LRRC27: variants seen among roughly 807,000 people sequenced by gnomAD.
The protein encoded by LRRC27 is leucine-rich repeat-containing protein 27.
In LRRC27, 57 loss-of-function variants were observed where a neutral mutation model predicts 55.0. The observed-to-expected ratio is 1.04, with a 90% CI of 0.84 to 1.29. The LOEUF (loss-of-function observed/expected upper bound fraction) is 1.29. LRRC27 is among the 50% of genes most tolerant of loss of function. The pLI is 0.00. For missense variants in LRRC27, 721 were observed against 651.5 expected, an observed-to-expected ratio of 1.11 and a Z score of -1.16; for synonymous variants, 278 against 251.9, an observed-to-expected ratio of 1.10 and a Z score of -0.98.
chr10:132,370,393 A>G (rs1279767175), intron 10 of LRRC27, among the ~76,000 whole-genome samples: 1 of 152,252 alleles, frequency 6.6e-6, no homozygotes, highest in Non-Finnish European at 1.5e-5. Flanking sequence ...GGCTCCCTGC[A>G]GCCCTTGAGC....
chr10:132,359,328 CTG>C (rs1173926407), intron 8 of LRRC27, among the ~76,000 whole-genome samples: 2 of 152,306 alleles, frequency 1.3e-5, no homozygotes, highest in Middle Eastern at 6.8e-3. Flanking sequence ...AGAAGTGTAT[CTG>C]TGTATTTCAG....
At chr10:132,369,887 G>T (rs2069175179) in intron 10 of LRRC27, among the ~76,000 whole-genome samples, 1 of 152,188 alleles carries the variant, frequency 6.6e-6, no homozygotes. Context: ...GTTACATGCA[G>T]AGCAGTGGGG....
chr10:132,353,062 C>A (rs2068138701), intron 7 of LRRC27: 2 of 1,538,222 alleles, frequency 1.3e-6, no homozygotes, highest in Non-Finnish European at 1.7e-6. Flanking sequence ...TGGCTTCACC[C>A]CTCCCTGGGC....
At chr10:132,347,127 G>C (rs1437458735) in intron 5 of LRRC27, among the ~76,000 whole-genome samples, 2 of 152,244 alleles carry the variant, frequency 1.3e-5, no homozygotes, top group Admixed American at 1.3e-4. Flanking sequence ...AGAAAAGCAG[G>C]CATAATGGGC....
At chr10:132,351,311 C>T (rs996623578) in intron 6 of LRRC27, 5 of 336,808 alleles carry the variant, frequency 1.5e-5, no homozygotes, top group Admixed American at 4.1e-5. Flanking sequence ...GTGCAGCTGC[C>T]GAGGCTGCAC....
intron 5 of LRRC27, among the ~76,000 whole-genome samples, chr10:132,346,179 A>C (rs967852996): frequency 6.6e-6 from 1 of 152,214 alleles, no homozygotes; most frequent in Non-Finnish European, 1.5e-5. Context: ...GGGGCCAGGC[A>C]CCAGCGGCTG....
chr10:132,353,414 T>C (rs2068161966), intron 7 of LRRC27: 2 of 1,026,914 alleles, frequency 1.9e-6, no homozygotes, highest in Non-Finnish European at 2.3e-6. Flanking sequence ...GTGTGTGTGC[T>C]GTTTTCTCTC....
Position 132,333,661 on chromosome 10 carries a change from C to A in LRRC27, c.137C>A (p.Ser46Tyr). The A allele has an allele frequency of 6.2e-7, 1 of 1,613,758 alleles. No homozygotes were observed. The highest frequency in any genetic ancestry group is 8.5e-7 in the Non-Finnish European group (1 of 1,180,038). The part of the protein sequence containing the change: ...HKGVGGIIFS[S>Y]SPILDLSESG... ...GGTGTTGGAGGCATCATCTTTTCCT[C>A]CTCACCGATTTTAGACTTGAGTGAA... Residue 46 changes from serine (S) to tyrosine (Y), a missense_variant, in exon 2 of 11, where the codon TCC becomes TAC. Coordinates refer to ENST00000368614, the MANE Select transcript of LRRC27 (RefSeq NM_030626.3).
chr10:132,371,222 C>T (rs988958294), intron 10 of LRRC27, among the ~76,000 whole-genome samples: 3 of 152,206 alleles, frequency 2.0e-5, no homozygotes, highest in Admixed American at 6.5e-5. Flanking sequence ...TGGCGTGCGT[C>T]GGGAGCACCC....
chr10:132,336,839 A>C, intron 2 of LRRC27: 1 of 751,114 alleles, frequency 1.3e-6, no homozygotes. Flanking sequence ...GTGAGTATAA[A>C]CAACTAGCAG....
upstream of LRRC27, chr10:132,331,786 C>T: frequency 6.2e-7 from 1 of 1,607,058 alleles, no homozygotes. Context: ...CCTCCAGACC[C>T]TCGCGGTCTC....
intron 7 of LRRC27, among the ~76,000 whole-genome samples, chr10:132,354,466 G>T (rs1305922804): frequency 6.6e-6 from 1 of 152,218 alleles, no homozygotes; most frequent in Non-Finnish European, 1.5e-5. Context: ...ATGGTGCTAA[G>T]TGGGGACACG....
At chr10:132,337,358 C>T (rs749813064) in intron 2 of LRRC27, 13 of 1,354,332 alleles carry the variant, frequency 9.6e-6, no homozygotes, top group East Asian at 8.4e-5. Context: ...CTCCAAAGGC[C>T]GCCGGAAGGA....
At position 132,364,346 on chromosome 10, in the gene LRRC27, A is replaced by AT. The variant is rs71013524; in HGVS notation, c.1290-1078_1290-1077insT. Among the ~76,000 whole-genome samples, 2 of 16,730 alleles carry AT rather than the reference A, an allele frequency of 1.2e-4. 1 individual carries two copies. Among genetic ancestry groups the AT allele is most frequent in the Non-Finnish European group, 2.4e-4 (2 of 8,166 alleles). 11.0% of individuals were successfully genotyped at this position (16,730 alleles called of 152,430 possible). ...CACACCCATGACCACACCCACACTT[A>AT]ATCTACCTCCACACCCGCGCTTACA... On this transcript the variant is annotated intron_variant, in intron 9 of 10. Coordinates refer to ENST00000368614, the MANE Select transcript of LRRC27 (RefSeq NM_030626.3).
upstream of LRRC27, among the ~76,000 whole-genome samples, chr10:132,330,719 A>AG (rs1356959196): frequency 7.1e-6 from 1 of 141,212 alleles, no homozygotes; most frequent in Admixed American, 7.3e-5. Flanking sequence ...TGGGTTGCCC[A>AG]GGCTGGTCTC....
chr10:132,368,772 A>G (rs2069152549), intron 10 of LRRC27, among the ~76,000 whole-genome samples: 1 of 152,260 alleles, frequency 6.6e-6, no homozygotes, highest in African/African-American at 2.4e-5. Context: ...CACCAAAAGC[A>G]AGATCCATGA....
At chr10:132,370,462 G>T (rs774859296) in intron 10 of LRRC27, among the ~76,000 whole-genome samples, 20 of 152,214 alleles carry the variant, frequency 1.3e-4, no homozygotes, top group Non-Finnish European at 2.6e-4. Context: ...GAGAGCCAGA[G>T]GAAGGGGTTT....
chr10:132,336,759 A>C (rs1399983092), intron 2 of LRRC27: 2 of 772,708 alleles, frequency 2.6e-6, no homozygotes, highest in Admixed American at 3.5e-5. Context: ...TGGCTTTGAG[A>C]TCATTGTTCC....
chr10:132,344,400 C>G, intron 4 of LRRC27, 98 bp from the exon 5 acceptor site: 1 of 1,273,944 alleles, frequency 7.8e-7, no homozygotes, highest in South Asian at 1.6e-5. Flanking sequence ...TGAATAGAAT[C>G]ATATTTTAAA....
Sources: allele counts gnomAD v4.1 joint callset (sites outside exome capture counted in the v4.1 genomes callset), GRCh38; gene constraint gnomAD v4.1.1; transcripts MANE v1.5; gene names NCBI Gene and HGNC (gene_info 2026-07-23, HGNC 2026-07-21).